The following AUTS2 variants were observed in gnomAD, a reference collection of about 807,000 sequenced individuals.
AUTS2 encodes the protein activator of transcription and developmental regulator AUTS2, also known as autism susceptibility gene 2 protein.
AUTS2 carries 17 observed loss-of-function variants against 112.4 expected under a neutral mutation model. That is an observed-to-expected ratio of 0.15 (90% CI 0.10 to 0.23). The LOEUF (loss-of-function observed/expected upper bound fraction) is 0.23, where lower values mean the gene tolerates loss of function less well. AUTS2 is among the 10% of genes least tolerant of loss of function. The probability of loss-of-function intolerance (pLI) is 1.00; values close to 1 mark genes in which losing one functional copy is unlikely to be tolerated. For synonymous variants in AUTS2, 751 were observed against 702.7 expected, an observed-to-expected ratio of 1.07 and a Z score of -1.09; for missense variants, 1,510 against 1,701.6, an observed-to-expected ratio of 0.89 and a Z score of 1.98.
At chr7:69,754,894 C>G (rs1787886082) in intron 1 of AUTS2, among the ~76,000 whole-genome samples, 1 of 152,152 alleles carries the variant, frequency 6.6e-6, no homozygotes, top group Non-Finnish European at 1.5e-5. Flanking sequence ...CTGATTACAT[C>G]CAACTCCAAG....
At chr7:70,055,108 C>T (rs118165964) in intron 2 of AUTS2, among the ~76,000 whole-genome samples, 199 of 152,272 alleles carry the variant, frequency 1.3e-3, no homozygotes, top group Non-Finnish European at 2.4e-3. Flanking sequence ...TTAAACATTT[C>T]CTCTATTCAG....
At chr7:70,534,396 ATTTGTTTGTTTGTTTGTTTG>A (rs59524958) in intron 5 of AUTS2, among the ~76,000 whole-genome samples, 5 of 147,916 alleles carry the variant, frequency 3.4e-5, no homozygotes, top group East Asian at 2.0e-4. Flanking sequence ...GGGAATATGA[ATTTGTTTGTTTGTTTGTTTG>A]TTTGTTTGTT....
chr7:69,770,648 T>C (rs1788621404), intron 1 of AUTS2, among the ~76,000 whole-genome samples: 1 of 152,160 alleles, frequency 6.6e-6, no homozygotes, highest in Non-Finnish European at 1.5e-5. Flanking sequence ...GCGCTTCATA[T>C]AAGACTTTTG....
intron 1 of AUTS2, among the ~76,000 whole-genome samples, chr7:69,693,291 T>C (rs1797423353): frequency 2.0e-5 from 3 of 152,242 alleles, no homozygotes; most frequent in Admixed American, 1.3e-4. Flanking sequence ...TAGCAGCCCA[T>C]TTCCCCATTC....
intron 5 of AUTS2, among the ~76,000 whole-genome samples, chr7:70,453,787 G>A (rs1187791300): frequency 6.6e-6 from 1 of 152,178 alleles, no homozygotes; most frequent in Non-Finnish European, 1.5e-5. Flanking sequence ...ACTCGTGGTG[G>A]CATTTAGGGC....
chr7:69,831,308 T>C (rs1315695345), intron 1 of AUTS2, among the ~76,000 whole-genome samples: 2 of 152,214 alleles, frequency 1.3e-5, no homozygotes, highest in Non-Finnish European at 2.9e-5. Flanking sequence ...TCAGAATAGT[T>C]AACTGCCCTC....
chr7:69,708,316 CTT>C (rs34636328), intron 1 of AUTS2, among the ~76,000 whole-genome samples: 93,208 of 151,824 alleles, frequency 0.61, 28,904 homozygotes, highest in East Asian at 0.7. Context: ...GAGTCTCTCT[CTT>C]CTTTTTTGTG....
At chr7:69,760,398 T>C (rs1339549484) in intron 1 of AUTS2, among the ~76,000 whole-genome samples, 1 of 151,938 alleles carries the variant, frequency 6.6e-6, no homozygotes, top group East Asian at 1.9e-4. Context: ...GAAACCATAA[T>C]TCCAGACCAC....
chr7:69,981,681 A>G (rs1351283926), intron 2 of AUTS2, among the ~76,000 whole-genome samples: 1 of 152,194 alleles, frequency 6.6e-6, no homozygotes, highest in African/African-American at 2.4e-5. Context: ...GTCTTGAAAT[A>G]CACACCACAT....
At chr7:70,583,128 G>T (rs537108043) in intron 5 of AUTS2, among the ~76,000 whole-genome samples, 1 of 152,196 alleles carries the variant, frequency 6.6e-6, no homozygotes, top group African/African-American at 2.4e-5. Flanking sequence ...CCTGCTGCCC[G>T]TGGATTAGCC....
intron 2 of AUTS2, among the ~76,000 whole-genome samples, chr7:69,987,839 C>T (rs146222719): frequency 1.9e-4 from 29 of 152,246 alleles, no homozygotes; most frequent in African/African-American, 6.3e-4. Context: ...ATATCTAGTT[C>T]ATTTTCATGT....
intron 1 of AUTS2, among the ~76,000 whole-genome samples, chr7:69,780,984 G>A (rs971643557): frequency 1.3e-5 from 2 of 152,284 alleles, no homozygotes; most frequent in Non-Finnish European, 2.9e-5. Flanking sequence ...AGTTCAAAAG[G>A]TCTGACTGTT....
At chr7:70,499,111 G>T (rs1252470097) in intron 5 of AUTS2, among the ~76,000 whole-genome samples, 2 of 152,208 alleles carry the variant, frequency 1.3e-5, no homozygotes, top group South Asian at 4.1e-4. Flanking sequence ...GCAAATGCGA[G>T]TAAGACGGGT....
intron 1 of AUTS2, among the ~76,000 whole-genome samples, chr7:69,777,382 G>T (rs550265313): frequency 6.6e-6 from 1 of 152,252 alleles, no homozygotes; most frequent in South Asian, 2.1e-4. Flanking sequence ...TCTTCTAAAA[G>T]ACATTTGTAT....
intron 5 of AUTS2, among the ~76,000 whole-genome samples, chr7:70,674,582 C>G (rs1209381569): frequency 6.6e-6 from 1 of 152,210 alleles, no homozygotes; most frequent in East Asian, 1.9e-4. Flanking sequence ...TCCCGCGGCA[C>G]CTGGTAGCCA....
At chr7:69,957,880 G>GGC (rs1443738715) in intron 2 of AUTS2, among the ~76,000 whole-genome samples, 1 of 152,126 alleles carries the variant, frequency 6.6e-6, no homozygotes, top group African/African-American at 2.4e-5. Flanking sequence ...TCTACACTAG[G>GGC]GCACATGGTT....
intron 4 of AUTS2, among the ~76,000 whole-genome samples, chr7:70,178,310 T>C (rs549014185): frequency 6.6e-6 from 1 of 152,274 alleles, no homozygotes; most frequent in South Asian, 2.1e-4. Flanking sequence ...AAATACTTTT[T>C]TTTTTCAGTG....
intron 5 of AUTS2, among the ~76,000 whole-genome samples, chr7:70,500,725 ATT>A (rs145102247): frequency 1.4e-5 from 2 of 145,328 alleles, no homozygotes. Context: ...CAAATTGATA[ATT>A]TTTTTTTTTT....
intron 4 of AUTS2, among the ~76,000 whole-genome samples, chr7:70,327,115 G>T (rs1190884440): frequency 1.3e-5 from 2 of 151,806 alleles, no homozygotes; most frequent in South Asian, 2.1e-4. Flanking sequence ...ACAGCATTTT[G>T]CCATGTTTGC....
Sources: allele counts gnomAD v4.1 joint callset (sites outside exome capture counted in the v4.1 genomes callset), GRCh38; gene constraint gnomAD v4.1.1; transcripts MANE v1.5; gene names NCBI Gene and HGNC (gene_info 2026-07-23, HGNC 2026-07-21).